CHLSN: variants seen among roughly 807,000 people sequenced by gnomAD.
CHLSN encodes protein cholesin.
chr7:987,933 T>TGGGGGGGGTCCCCTGTGTGTCCTGG, the CHLSN span, among the ~76,000 whole-genome samples: 1 of 135,758 alleles, frequency 7.4e-6, no homozygotes, highest in African/African-American at 3.0e-5. Flanking sequence ...CTGTGTGTCC[T>TGGGGGGGGTCCCCTGTGTGTCCTGG]GGGGGGGTCC....
At chr7:1,023,487 C>T in the CHLSN span, among the ~76,000 whole-genome samples, 12 of 152,068 alleles carry the variant, frequency 7.9e-5, no homozygotes, top group African/African-American at 2.9e-4. The surrounding 1 kb of genome is among the most constrained non-coding windows in gnomAD (Gnocchi z 5.0). Flanking sequence ...CCTGGGACCC[C>T]TTGCAGGGTC....
At chr7:1,040,547 T>G in the CHLSN span, among the ~76,000 whole-genome samples, 1 of 151,978 alleles carries the variant, frequency 6.6e-6, no homozygotes, top group Non-Finnish European at 1.5e-5. Flanking sequence ...AAAAATGAAC[T>G]CAAATAGATC....
the CHLSN span, among the ~76,000 whole-genome samples, chr7:1,115,511 C>G: frequency 6.6e-6 from 1 of 151,414 alleles, no homozygotes; most frequent in Admixed American, 6.6e-5. Context: ...TACGGACCGG[C>G]TTCCATCACC....
At chr7:1,009,488 G>A in the CHLSN span, among the ~76,000 whole-genome samples, 97 of 152,266 alleles carry the variant, frequency 6.4e-4, 1 homozygote, top group African/African-American at 2.1e-3. Flanking sequence ...CAGCCACGCC[G>A]CAGGCAGCCA....
chr7:1,098,496 C>T, the CHLSN span, among the ~76,000 whole-genome samples: 3 of 152,308 alleles, frequency 2.0e-5, no homozygotes, highest in Non-Finnish European at 4.4e-5. Context: ...GGAAATGCCA[C>T]AGTCAGGAAG....
At chr7:993,332 G>A in the CHLSN span, among the ~76,000 whole-genome samples, 133 of 152,288 alleles carry the variant, frequency 8.7e-4, no homozygotes, top group African/African-American at 2.5e-3. Context: ...GGGACTGGAC[G>A]GACGGCAGGT....
chr7:1,033,000 G>A, the CHLSN span, among the ~76,000 whole-genome samples: 1 of 152,298 alleles, frequency 6.6e-6, no homozygotes, highest in South Asian at 2.1e-4. Flanking sequence ...CTCGCGGTGC[G>A]GACCCAGGCC....
the CHLSN span, among the ~76,000 whole-genome samples, chr7:1,053,627 A>C: frequency 6.6e-6 from 1 of 152,202 alleles, no homozygotes; most frequent in African/African-American, 2.4e-5. Context: ...CGGGAGTTCG[A>C]GATCAGCCTG....
At chr7:1,126,016 T>C in the CHLSN span, among the ~76,000 whole-genome samples, 9 of 152,154 alleles carry the variant, frequency 5.9e-5, no homozygotes, top group African/African-American at 2.2e-4. Context: ...TGTATATGCA[T>C]CTTTTTGTGG....
chr7:999,015 AT>A, the CHLSN span, among the ~76,000 whole-genome samples: 1 of 152,250 alleles, frequency 6.6e-6, no homozygotes, highest in African/African-American at 2.4e-5. Context: ...ATAAAAATGT[AT>A]AAGTAAAATG....
chr7:1,092,079 C>T, the CHLSN span: 7 of 1,613,860 alleles, frequency 4.3e-6, no homozygotes, highest in Non-Finnish European at 5.1e-6. Flanking sequence ...TTGAGGTGTT[C>T]AACCTGCACG....
At chr7:1,002,036 G>A in the CHLSN span, among the ~76,000 whole-genome samples, 1 of 112,462 alleles carries the variant, frequency 8.9e-6, no homozygotes, top group Non-Finnish European at 1.8e-5. Flanking sequence ...GAGTCCTGTG[G>A]GTTAGTGGAG....
At chr7:1,057,702 G>C in the CHLSN span, 4 of 775,172 alleles carry the variant, frequency 5.2e-6, no homozygotes, top group East Asian at 9.7e-5. Flanking sequence ...GACCATGCCG[G>C]ACGTGTACTT....
the CHLSN span, among the ~76,000 whole-genome samples, chr7:1,124,235 G>A: frequency 1.3e-5 from 2 of 151,992 alleles, no homozygotes; most frequent in Non-Finnish European, 2.9e-5. Context: ...CACTTGGGCA[G>A]GAGTTTTAAC....
the CHLSN span, among the ~76,000 whole-genome samples, chr7:1,009,617 C>T: frequency 6.6e-6 from 1 of 152,176 alleles, no homozygotes; most frequent in Non-Finnish European, 1.5e-5. Context: ...CCCTCCTCCT[C>T]ACCCCCACGT....
chr7:1,003,764 GTGGGTGGGGAGTCCT>G, the CHLSN span, among the ~76,000 whole-genome samples: 1 of 101,048 alleles, frequency 9.9e-6, no homozygotes. Context: ...GTGGAGTCCT[GTGGGTGGGGAGTCCT>G]TGGGTGAGTG....
the CHLSN span, chr7:1,022,898 C>T: frequency 1.0e-4 from 42 of 410,280 alleles, 1 homozygote; most frequent in South Asian, 6.0e-4. Flanking sequence ...AGCGCGGCGA[C>T]GTCTCCGCGG....
the CHLSN span, chr7:1,059,278 T>G: frequency 7.3e-5 from 12 of 164,906 alleles, no homozygotes; most frequent in Non-Finnish European, 1.3e-4. Context: ...GATTTCTGAC[T>G]GAATACCAGA....
the CHLSN span, among the ~76,000 whole-genome samples, chr7:1,019,076 T>G: frequency 6.6e-6 from 1 of 151,370 alleles, no homozygotes; most frequent in Non-Finnish European, 1.5e-5. Flanking sequence ...ACGTCTGTAA[T>G]CCCAGCTACC....
Sources: gnomAD v4.1 joint callset for allele counts (sites outside exome capture counted in the v4.1 genomes callset) on GRCh38, gnomAD v4.1.1 for gene constraint, Gnocchi (gnomAD v3.1) non-coding constraint, MANE v1.5 for transcripts, NCBI Gene and HGNC (gene_info 2026-07-23, HGNC 2026-07-21) for gene names.